TBXAS1: variants seen among roughly 807,000 people sequenced by gnomAD.
The protein encoded by TBXAS1 is thromboxane-A synthase.
A neutral mutation model predicts 60.7 loss-of-function variants in TBXAS1; 48 were observed. That is an observed-to-expected ratio of 0.79 (90% CI 0.63 to 1.01). TBXAS1 has a LOEUF of 1.01. TBXAS1 is among the 50% of genes least tolerant of loss of function. The pLI, the probability that TBXAS1 is intolerant of heterozygous loss-of-function variation, is 0.00. For synonymous variants in TBXAS1, 287 were observed against 269.7 expected, an observed-to-expected ratio of 1.06 and a Z score of -0.63; for missense variants, 685 against 686.3, an observed-to-expected ratio of 1.00 and a Z score of 0.02.
intron 9 of TBXAS1, among the ~76,000 whole-genome samples, chr7:139,998,509 G>A (rs898198973): frequency 4.6e-5 from 7 of 152,190 alleles, no homozygotes; most frequent in East Asian, 3.9e-4. Context: ...CTGGCCGTGC[G>A]ACCTGGGACA....
chr7:139,905,057 T>C (rs983547068), intron 3 of TBXAS1, among the ~76,000 whole-genome samples: 2,772 of 106,798 alleles, frequency 0.026, 98 homozygotes, highest in African/African-American at 0.098. Context: ...CTTTCTTTCT[T>C]TCTCTCTCTC....
intron 3 of TBXAS1, among the ~76,000 whole-genome samples, chr7:139,904,612 A>G (rs1263936557): frequency 5.3e-5 from 8 of 152,112 alleles, no homozygotes; most frequent in Non-Finnish European, 1.2e-4. Flanking sequence ...TGTTTCATCT[A>G]TGATTTCTTT....
At chr7:139,788,520 G>A (rs1221627949) in intron 4 of TBXAS1, among the ~76,000 whole-genome samples, 1 of 152,204 alleles carries the variant, frequency 6.6e-6, no homozygotes, top group African/African-American at 2.4e-5. Flanking sequence ...ACCAGCATCT[G>A]AGTCTAGACA....
intron 12 of TBXAS1, among the ~76,000 whole-genome samples, chr7:140,019,083 C>A (rs1815326410): frequency 6.6e-6 from 1 of 152,202 alleles, no homozygotes. Flanking sequence ...CATAGGAAGG[C>A]ATAAGGACAC....
intron 3 of TBXAS1, among the ~76,000 whole-genome samples, chr7:139,905,497 A>G (rs1805006253): frequency 6.6e-6 from 1 of 152,064 alleles, no homozygotes; most frequent in Admixed American, 6.6e-5. Context: ...TCTTTTTGAT[A>G]TGTTGTTGGA....
intron 9 of TBXAS1, among the ~76,000 whole-genome samples, chr7:139,986,753 ATATGTGTG>A: frequency 1.9e-5 from 1 of 52,286 alleles, no homozygotes; most frequent in African/African-American, 6.2e-5. Context: ...ACATATATAT[ATATGTGTG>A]TGTGTGTGTG....
At chr7:139,941,095 T>G (rs963710667) in intron 5 of TBXAS1, among the ~76,000 whole-genome samples, 3 of 152,210 alleles carry the variant, frequency 2.0e-5, no homozygotes, top group African/African-American at 7.2e-5. Context: ...CGGCTGTGGG[T>G]ATCTGAGTCA....
At chr7:139,900,281 C>T (rs1804463838) in intron 3 of TBXAS1, among the ~76,000 whole-genome samples, 1 of 152,148 alleles carries the variant, frequency 6.6e-6, no homozygotes, top group South Asian at 2.1e-4. Flanking sequence ...GTTTTCACTC[C>T]CATATTTCAG....
rs5764 is a variant in TBXAS1, at chr7:140,017,687, C to T, written c.1381C>T (p.Arg461Trp). The change falls in exon 12 of 13, where the codon CGG becomes TGG. Residue 461 changes from arginine (R) to tryptophan (W), a missense_variant. Physicochemically the swap from Arg to Trp is moderately radical, Grantham distance 101 (BLOSUM62 -3). Transcript: ENST00000448866. ...FNPERFTAEA[R>W]QQHRPFTYLP... ...GACCTGCAGGTTCACGGCTGAGGCCCGGCAGCAGCACCGGCCCTTCACGTA... is the reference window on the plus strand; with the variant it reads ...GACCTGCAGGTTCACGGCTGAGGCCTGGCAGCAGCACCGGCCCTTCACGTA... The T allele has an allele frequency of 4.0e-5, 64 of 1,613,158 alleles. No homozygotes were observed. The Admixed American group carries it at 8.8e-4, about 22-fold the overall frequency.
chr7:139,943,738 G>C (rs1356267342), intron 5 of TBXAS1, among the ~76,000 whole-genome samples: 2 of 152,192 alleles, frequency 1.3e-5, no homozygotes, highest in African/African-American at 4.8e-5. Flanking sequence ...AAAAGGAGTC[G>C]TGGATGTTTT....
At chr7:139,923,579 G>A (rs911679986) in intron 4 of TBXAS1, among the ~76,000 whole-genome samples, 7 of 151,786 alleles carry the variant, frequency 4.6e-5, no homozygotes, top group African/African-American at 1.5e-4. Flanking sequence ...GGGTAAATGG[G>A]GAATCCACCA....
intron 9 of TBXAS1, among the ~76,000 whole-genome samples, chr7:139,985,938 C>G (rs902400678): frequency 1.3e-5 from 2 of 152,222 alleles, no homozygotes; most frequent in Non-Finnish European, 2.9e-5. Flanking sequence ...CACCCAGGAG[C>G]CTGTTCCCAA....
intron 3 of TBXAS1, among the ~76,000 whole-genome samples, chr7:139,903,446 C>T (rs1032155876): frequency 6.6e-6 from 1 of 152,010 alleles, no homozygotes; most frequent in Non-Finnish European, 1.5e-5. Flanking sequence ...TTCTTTTCCT[C>T]TGGGTAGATA....
At chr7:139,956,866 A>T (rs550810729) in intron 7 of TBXAS1, among the ~76,000 whole-genome samples, 1 of 152,294 alleles carries the variant, frequency 6.6e-6, no homozygotes, top group South Asian at 2.1e-4. Flanking sequence ...GCTGTGTCAC[A>T]TTGGTTCGGA....
intron 9 of TBXAS1, among the ~76,000 whole-genome samples, chr7:139,987,803 T>C (rs1227528452): frequency 6.6e-6 from 1 of 152,220 alleles, no homozygotes; most frequent in Non-Finnish European, 1.5e-5. Context: ...GCCCTATTTT[T>C]AATTTACTTT....
intron 1 of TBXAS1, among the ~76,000 whole-genome samples, chr7:139,850,957 G>C (rs1394811409): frequency 6.6e-6 from 1 of 152,136 alleles, no homozygotes; most frequent in Non-Finnish European, 1.5e-5. Context: ...AGAATGATGA[G>C]AGGATAATTT....
intron 3 of TBXAS1, among the ~76,000 whole-genome samples, chr7:139,902,055 G>A (rs901589116): frequency 8.9e-4 from 43 of 48,280 alleles, no homozygotes; most frequent in African/African-American, 3.3e-3. Flanking sequence ...ACTATAGTAC[G>A]TTATCAAAAC....
chr7:139,938,032 T>C (rs1807944265), intron 5 of TBXAS1, among the ~76,000 whole-genome samples: 1 of 152,182 alleles, frequency 6.6e-6, no homozygotes, highest in African/African-American at 2.4e-5. Context: ...AAATTTTCTC[T>C]TATCTTACTG....
At chr7:139,915,890 G>C (rs941770655) in intron 4 of TBXAS1, among the ~76,000 whole-genome samples, 5 of 152,204 alleles carry the variant, frequency 3.3e-5, no homozygotes, top group African/African-American at 1.2e-4. Flanking sequence ...TCTGGAGTCT[G>C]TGCAATGTCT....
Sources: allele counts gnomAD v4.1 joint callset (sites outside exome capture counted in the v4.1 genomes callset), GRCh38; gene constraint gnomAD v4.1.1; transcripts MANE v1.5; gene names NCBI Gene and HGNC (gene_info 2026-07-23, HGNC 2026-07-21).